Variants in FBXL17 observed in about 807,000 individuals in gnomAD.
FBXL17 encodes F-box/LRR-repeat protein 17.
FBXL17 carries 22 observed loss-of-function variants against 66.2 expected under a neutral mutation model. The observed-to-expected ratio is 0.33, with a 90% CI of 0.24 to 0.47. The LOEUF (loss-of-function observed/expected upper bound fraction) is 0.47, where lower values mean the gene tolerates loss of function less well. Ranked by LOEUF, FBXL17 falls within the 20% of genes least tolerant of loss-of-function variation. FBXL17 has a pLI of 1.00. For missense variants in FBXL17, 878 were observed against 948.2 expected, an observed-to-expected ratio of 0.93 and a Z score of 0.97; for synonymous variants, 474 against 400.5, an observed-to-expected ratio of 1.18 and a Z score of -2.19.
Position 108,224,207 on chromosome 5 carries a change from C to T in FBXL17, c.1528G>A (p.Ala510Thr). ...AGCTCAGGACAGTGTTCAGCAAATG[C>T]TTTCACTGACTGATCTGTCACCTAG... ...NKLVTDQSVKAFAEHCPELQY... is the reference protein window; with the variant it reads ...NKLVTDQSVKTFAEHCPELQY... Residue 510 changes from alanine (A) to threonine (T), a missense_variant, in exon 5 of 9, where the codon GCA (alanine) becomes ACA (threonine). Around this residue, in one of 4 missense-constraint regions of FBXL17, gnomAD observed 236 missense variants for 389.1 expected, o/e 0.61. Transcript: ENST00000542267. 6.2e-7 allele frequency: 1 copy of T among 1,602,528 alleles called. No homozygotes were observed. Among genetic ancestry groups the T allele is most frequent in the Non-Finnish European group, 8.5e-7 (1 of 1,171,326 alleles).
At chr5:107,946,602 C>CAGCTAATCTCATT (rs1191964855) in intron 7 of FBXL17, among the ~76,000 whole-genome samples, 4 of 151,716 alleles carry the variant, frequency 2.6e-5, no homozygotes, top group Non-Finnish European at 4.4e-5. Flanking sequence ...CCACAGCTTC[C>CAGCTAATCTCATT]AGCTAATCTC....
intron 6 of FBXL17, among the ~76,000 whole-genome samples, chr5:108,050,896 T>A (rs913630011): frequency 3.3e-5 from 5 of 151,884 alleles, no homozygotes; most frequent in Non-Finnish European, 7.4e-5. Flanking sequence ...AAAAATGATA[T>A]CAGTTGATAT....
intron 6 of FBXL17, among the ~76,000 whole-genome samples, chr5:108,160,422 T>C (rs1305519499): frequency 1.3e-5 from 2 of 152,190 alleles, no homozygotes; most frequent in African/African-American, 4.8e-5. Context: ...GTATAGTAAT[T>C]AGACAAACCA....
chr5:108,174,815 A>C (rs1181606020), intron 6 of FBXL17, among the ~76,000 whole-genome samples: 2 of 150,710 alleles, frequency 1.3e-5, no homozygotes, highest in Non-Finnish European at 3.0e-5. Flanking sequence ...ACAGGTATAA[A>C]TGGAAGGCAG....
chr5:108,002,108 C>T (rs184013197), intron 7 of FBXL17, among the ~76,000 whole-genome samples: 27 of 151,624 alleles, frequency 1.8e-4, no homozygotes, highest in South Asian at 1.2e-3. Context: ...CTCCGCCTCC[C>T]GGATTCAAGG....
In FBXL17 at chr5:108,284,473, G is replaced by A. The variant is rs146794601; in HGVS notation, c.1507-60245C>T. 6.7e-3 allele frequency among the ~76,000 whole-genome samples: 1,015 copies of A among 151,840 alleles called. 7 individuals are homozygous for A. The highest frequency in any genetic ancestry group is 0.01 in the Non-Finnish European group (699 of 67,770). ...ACAGAAAGACAAATGTCACATATTC[G>A]TATTCCTAAGTGTATGCTAAAAAAT... On this transcript the variant is annotated intron_variant, in intron 4 of 8. Transcript: ENST00000542267.
intron 5 of FBXL17, among the ~76,000 whole-genome samples, chr5:108,214,337 T>C (rs1754505606): frequency 6.6e-6 from 1 of 151,684 alleles, no homozygotes; most frequent in South Asian, 2.1e-4. Flanking sequence ...TCATAAAGTG[T>C]AATTTATTAA....
intron 7 of FBXL17, among the ~76,000 whole-genome samples, chr5:107,934,687 G>T (rs1326688660): frequency 6.6e-6 from 1 of 152,002 alleles, no homozygotes; most frequent in Non-Finnish European, 1.5e-5. Flanking sequence ...TCCTTATTGG[G>T]GGCTGGTGGA....
intron 5 of FBXL17, among the ~76,000 whole-genome samples, chr5:108,214,024 G>A (rs1754489474): frequency 1.3e-5 from 2 of 152,112 alleles, no homozygotes; most frequent in African/African-American, 4.8e-5. Context: ...AGTGGTACCA[G>A]TTACCCAAGG....
chr5:108,338,480 T>C (rs1396170217), intron 4 of FBXL17, among the ~76,000 whole-genome samples: 2 of 152,134 alleles, frequency 1.3e-5, no homozygotes, highest in Non-Finnish European at 2.9e-5. Context: ...AATAAAGATC[T>C]GGTAACAGAC....
At chr5:107,919,920 G>A (rs757975128) in intron 7 of FBXL17, among the ~76,000 whole-genome samples, 3 of 152,116 alleles carry the variant, frequency 2.0e-5, no homozygotes, top group Admixed American at 6.5e-5. Flanking sequence ...TTTATTTCCA[G>A]CAACTAGGAC....
At chr5:108,360,662 C>A (rs1046544170) in intron 3 of FBXL17, among the ~76,000 whole-genome samples, 6 of 152,062 alleles carry the variant, frequency 3.9e-5, no homozygotes, top group Non-Finnish European at 8.8e-5. Context: ...ATTATTTCTG[C>A]AAATATTCTT....
intron 6 of FBXL17, among the ~76,000 whole-genome samples, chr5:108,106,404 A>G (rs1323359457): frequency 1.3e-5 from 2 of 152,142 alleles, no homozygotes; most frequent in Non-Finnish European, 2.9e-5. Context: ...CAGCCATTCT[A>G]CTCCTAGGTA....
In FBXL17 at chr5:108,146,950, CAA is replaced by C. The variant is rs763067254; in HGVS notation, c.1745+39165_1745+39166del. On this transcript the variant is annotated intron_variant, in intron 6 of 8. Transcript: ENST00000542267. ...TCACAGTTCTGGAGGCTGAGAAGTC[CAA>C]GATCAAGGAACTAGCAGATTCAACA... Among the ~76,000 whole-genome samples the C allele has an allele frequency of 1.6e-4, 24 of 152,116 alleles. 1 individual carries two copies. The highest frequency in any genetic ancestry group is 2.9e-4 in the Non-Finnish European group (20 of 68,014).
intron 4 of FBXL17, among the ~76,000 whole-genome samples, chr5:108,305,442 C>G (rs975605342): frequency 6.6e-6 from 1 of 151,902 alleles, no homozygotes; most frequent in African/African-American, 2.4e-5. Flanking sequence ...AAGTAACAAA[C>G]CTGCACATCC....
At chr5:108,344,760 T>C (rs1421654496) in intron 4 of FBXL17, among the ~76,000 whole-genome samples, 6 of 152,214 alleles carry the variant, frequency 3.9e-5, no homozygotes, top group African/African-American at 1.4e-4. Flanking sequence ...GGAAATATAC[T>C]TAACTGAGGT....
At chr5:108,184,162 TATA>T (rs1410070535) in intron 6 of FBXL17, among the ~76,000 whole-genome samples, 1 of 152,156 alleles carries the variant, frequency 6.6e-6, no homozygotes, top group East Asian at 1.9e-4. Context: ...GGCTCATGCC[TATA>T]ATCCCAGCAC....
At chr5:108,309,004 A>T (rs1758987414) in intron 4 of FBXL17, among the ~76,000 whole-genome samples, 1 of 152,088 alleles carries the variant, frequency 6.6e-6, no homozygotes, top group Admixed American at 6.5e-5. Context: ...AAATAATTCC[A>T]AGAGTAAAAG....
chr5:108,096,980 G>C (rs1749392970), intron 6 of FBXL17, among the ~76,000 whole-genome samples: 1 of 152,182 alleles, frequency 6.6e-6, no homozygotes, highest in Admixed American at 6.5e-5. Flanking sequence ...GTAGAACTAA[G>C]GTTATACATA....
Sources: allele counts gnomAD v4.1 joint callset (sites outside exome capture counted in the v4.1 genomes callset), GRCh38; gene constraint gnomAD v4.1.1; regional missense constraint gnomAD v4.1.1; transcripts MANE v1.5; gene names NCBI Gene and HGNC (gene_info 2026-07-23, HGNC 2026-07-21).